The following RORA variants were observed in gnomAD, a reference collection of about 807,000 sequenced individuals.
RORA encodes RAR related orphan receptor A, also known as nuclear receptor ROR-alpha.
In RORA, 7 loss-of-function variants were observed where a neutral mutation model predicts 69.5. The ratio of observed to expected loss-of-function variants is 0.10; its 90% CI spans 0.06 to 0.19. The LOEUF is 0.19. RORA is among the 10% of genes least tolerant of loss of function. RORA has a pLI of 1.00. For synonymous variants in RORA, 261 were observed against 240.8 expected (o/e 1.08, Z -0.78); for missense variants, 457 against 663.0 (o/e 0.69, Z 3.41).
At chr15:60,672,216 T>C (rs1282324964) in intron 2 of RORA, among the ~76,000 whole-genome samples, 1 of 152,216 alleles carries the variant, frequency 6.6e-6, no homozygotes, top group South Asian at 2.1e-4. Context: ...TAGAAGCCTA[T>C]GGAGGTAGCA....
intron 1 of RORA, among the ~76,000 whole-genome samples, chr15:61,107,886 C>T (rs1384050562): frequency 2.0e-5 from 3 of 151,900 alleles, no homozygotes; most frequent in African/African-American, 7.3e-5. Context: ...AACCTTCTGA[C>T]CAGATCAAAA....
chr15:60,542,328 A>G (rs1387145116), intron 2 of RORA, among the ~76,000 whole-genome samples: 1 of 149,854 alleles, frequency 6.7e-6, no homozygotes, highest in East Asian at 1.9e-4. Flanking sequence ...GCACACACAC[A>G]CCACACATAC....
intron 1 of RORA, among the ~76,000 whole-genome samples, chr15:60,890,524 ATGTGTTCC>A (rs1412585969): frequency 6.6e-6 from 1 of 152,180 alleles, no homozygotes; most frequent in African/African-American, 2.4e-5. Flanking sequence ...AGAGGAGAAC[ATGTGTTCC>A]TGTGGTCAGG....
chr15:61,168,653 T>C (rs1284960084), intron 1 of RORA, among the ~76,000 whole-genome samples: 1 of 152,156 alleles, frequency 6.6e-6, no homozygotes, highest in Non-Finnish European at 1.5e-5. Context: ...TCTACTTAGC[T>C]ATTTCTCTTG....
intron 2 of RORA, among the ~76,000 whole-genome samples, chr15:60,551,430 T>A (rs2067224176): frequency 6.6e-6 from 1 of 152,144 alleles, no homozygotes; most frequent in African/African-American, 2.4e-5. Context: ...AACCTGCCAT[T>A]TCTAAAGTTT....
At chr15:60,655,285 G>T (rs1205161719) in intron 2 of RORA, among the ~76,000 whole-genome samples, 1 of 151,874 alleles carries the variant, frequency 6.6e-6, no homozygotes, top group Non-Finnish European at 1.5e-5. Context: ...TTCCTTTAAG[G>T]CTCAGAAGGG....
chr15:60,661,622 T>C (rs1326011042), intron 2 of RORA, among the ~76,000 whole-genome samples: 1 of 152,192 alleles, frequency 6.6e-6, no homozygotes, highest in African/African-American at 2.4e-5. Flanking sequence ...GGAAGAATAA[T>C]CTCAATTAAC....
rs192826281 is a variant in RORA at position 61,202,842 on chromosome 15, G to A, written c.166+26211C>T. Among the ~76,000 whole-genome samples the A allele has an allele frequency of 2.0e-5, 3 of 152,242 alleles. No homozygotes were observed. In the East Asian group the frequency reaches 5.8e-4, roughly 29 times the overall value. On this transcript the variant is annotated intron_variant, in intron 1 of 10. Transcript: ENST00000335670. ...CTGAAATCCTAAACCTATGGAATAT[G>A]CAAACGTATTTAGGCTCTGAATTTC...
intron 2 of RORA, among the ~76,000 whole-genome samples, chr15:60,667,119 C>T (rs928955154): frequency 2.0e-5 from 3 of 152,150 alleles, no homozygotes; most frequent in Admixed American, 6.5e-5. Flanking sequence ...ATTTTTATCA[C>T]ACTCTTAGCA....
intron 1 of RORA, among the ~76,000 whole-genome samples, chr15:61,197,382 G>T (rs1376201123): frequency 6.6e-6 from 1 of 152,200 alleles, no homozygotes; most frequent in East Asian, 1.9e-4. Flanking sequence ...GGAGAAGCCT[G>T]CCAAGAGCCG....
At chr15:60,667,805 G>A (rs1056968753) in intron 2 of RORA, among the ~76,000 whole-genome samples, 1 of 151,878 alleles carries the variant, frequency 6.6e-6, no homozygotes, top group Non-Finnish European at 1.5e-5. Context: ...TTATTTTTTG[G>A]TGGAGATGGG....
chr15:61,223,314 C>CA (rs10685041), intron 1 of RORA, among the ~76,000 whole-genome samples: 66,919 of 96,450 alleles, frequency 0.69, 23,233 homozygotes, highest in East Asian at 0.91. Flanking sequence ...GACTCTGTCT[C>CA]AAAAAAAAAA....
chr15:60,771,705 G>A (rs1372897006), intron 1 of RORA, among the ~76,000 whole-genome samples: 1 of 152,172 alleles, frequency 6.6e-6, no homozygotes, highest in Admixed American at 6.5e-5. Context: ...AAACTTGATA[G>A]CCAGGTTCAT....
chr15:60,945,126 C>T (rs1206350761), intron 1 of RORA, among the ~76,000 whole-genome samples: 1 of 152,200 alleles, frequency 6.6e-6, no homozygotes, highest in Non-Finnish European at 1.5e-5. Context: ...CAATATGGGG[C>T]TGGACCACCC....
At chr15:61,177,710 G>A (rs981743952) in intron 1 of RORA, among the ~76,000 whole-genome samples, 3 of 152,066 alleles carry the variant, frequency 2.0e-5, no homozygotes, top group Admixed American at 6.6e-5. Context: ...CGTATAACCC[G>A]AGCCCTTTGG....
At chr15:60,983,851 T>G (rs750111555) in intron 1 of RORA, among the ~76,000 whole-genome samples, 34 of 152,216 alleles carry the variant, frequency 2.2e-4, no homozygotes, top group Non-Finnish European at 4.6e-4. Flanking sequence ...TGAGCATATG[T>G]TCTCAGGACC....
intron 1 of RORA, among the ~76,000 whole-genome samples, chr15:60,781,136 T>C (rs1490431674): frequency 1.3e-5 from 2 of 152,160 alleles, no homozygotes; most frequent in South Asian, 4.2e-4. Flanking sequence ...GCTTCTTAAG[T>C]GCATAGAAGG....
At chr15:60,810,466 T>C (rs2072727195) in intron 1 of RORA, among the ~76,000 whole-genome samples, 1 of 151,350 alleles carries the variant, frequency 6.6e-6, no homozygotes, top group African/African-American at 2.4e-5. Flanking sequence ...ACTGGGCATT[T>C]GAGAGATTCA....
At chr15:60,965,946 T>C (rs1056738108) in intron 1 of RORA, among the ~76,000 whole-genome samples, 6 of 152,198 alleles carry the variant, frequency 3.9e-5, no homozygotes, top group African/African-American at 1.2e-4. Context: ...TAATAGAGTA[T>C]GGCAGCCATA....
Sources: allele counts gnomAD v4.1 joint callset (sites outside exome capture counted in the v4.1 genomes callset), GRCh38; gene constraint gnomAD v4.1.1; transcripts MANE v1.5; gene names NCBI Gene and HGNC (gene_info 2026-07-23, HGNC 2026-07-21).